The following ENTREP2 variants were observed in gnomAD, a reference collection of about 807,000 sequenced individuals.
ENTREP2 encodes endosomal transmembrane epsin interactor 2.
the ENTREP2 span, among the ~76,000 whole-genome samples, chr15:29,456,353 GA>G: frequency 6.6e-6 from 1 of 152,222 alleles, no homozygotes; most frequent in African/African-American, 2.4e-5. Flanking sequence ...CATGGAAGAG[GA>G]GGGGTAGTGA....
the ENTREP2 span, among the ~76,000 whole-genome samples, chr15:29,158,824 T>C: frequency 6.6e-6 from 1 of 152,124 alleles, no homozygotes; most frequent in African/African-American, 2.4e-5. Context: ...GTTAAGGAAG[T>C]TATGTATCTA....
chr15:29,404,864 G>C, the ENTREP2 span, among the ~76,000 whole-genome samples: 1 of 151,818 alleles, frequency 6.6e-6, no homozygotes, highest in Non-Finnish European at 1.5e-5. Context: ...TGCCTGTCAG[G>C]GTCCCAGATA....
At chr15:29,652,952 G>A in the ENTREP2 span, among the ~76,000 whole-genome samples, 2,222 of 152,242 alleles carry the variant, frequency 0.015, 47 homozygotes, top group African/African-American at 0.051. Flanking sequence ...AACCACAGAG[G>A]TTTCTGGCCA....
chr15:29,120,263 C>A, the ENTREP2 span: 1 of 146,098 alleles, frequency 6.8e-6, no homozygotes, highest in Non-Finnish European at 1.5e-5. Flanking sequence ...GCCAGAAATA[C>A]TTCTTTTTAT....
At chr15:29,272,297 A>G in the ENTREP2 span, among the ~76,000 whole-genome samples, 121 of 152,314 alleles carry the variant, frequency 7.9e-4, no homozygotes, top group African/African-American at 2.8e-3. Context: ...GGTGATAACA[A>G]TACTAACATT....
the ENTREP2 span, among the ~76,000 whole-genome samples, chr15:29,125,087 C>G: frequency 4.6e-5 from 7 of 152,298 alleles, no homozygotes; most frequent in South Asian, 1.5e-3. Flanking sequence ...GCGGCGTGCA[C>G]ATCAGCCTAG....
At chr15:29,210,762 C>T in the ENTREP2 span, among the ~76,000 whole-genome samples, 1 of 152,188 alleles carries the variant, frequency 6.6e-6, no homozygotes, top group East Asian at 1.9e-4. Context: ...ATGGCCCTTC[C>T]TCTTGGAAAC....
At chr15:29,196,618 G>C in the ENTREP2 span, 6 of 1,523,884 alleles carry the variant, frequency 3.9e-6, no homozygotes, top group Non-Finnish European at 5.3e-6. Context: ...CGACCCCCGA[G>C]GGTACGCGTG....
At chr15:29,617,024 C>T in the ENTREP2 span, among the ~76,000 whole-genome samples, 1 of 152,206 alleles carries the variant, frequency 6.6e-6, no homozygotes, top group Non-Finnish European at 1.5e-5. Flanking sequence ...CATGCCACTG[C>T]ACTCCAGTCT....
the ENTREP2 span, among the ~76,000 whole-genome samples, chr15:29,567,372 A>G: frequency 6.6e-6 from 1 of 152,312 alleles, no homozygotes; most frequent in Admixed American, 6.5e-5. Flanking sequence ...TTTCCTAAGA[A>G]AGAGAGAGCC....
At chr15:29,411,960 C>A in the ENTREP2 span, among the ~76,000 whole-genome samples, 3,178 of 152,298 alleles carry the variant, frequency 0.021, 49 homozygotes, top group Non-Finnish European at 0.035. Flanking sequence ...TTTGCACCTA[C>A]ACTTACTGTC....
chr15:29,600,892 A>ATTTTTTTTTTTTTTTTTTTT, the ENTREP2 span, among the ~76,000 whole-genome samples: 14 of 97,936 alleles, frequency 1.4e-4, no homozygotes, highest in African/African-American at 7.8e-4. Flanking sequence ...GGAAAATATG[A>ATTTTTTTTTTTTTTTTTTTT]TTTTTCTTTC....
the ENTREP2 span, among the ~76,000 whole-genome samples, chr15:29,223,765 C>G: frequency 0.012 from 1,891 of 152,210 alleles, 33 homozygotes; most frequent in African/African-American, 0.043. Flanking sequence ...GGAGCCCCTG[C>G]GCCTGCAGCC....
At chr15:29,466,357 C>G in the ENTREP2 span, among the ~76,000 whole-genome samples, 1 of 152,202 alleles carries the variant, frequency 6.6e-6, no homozygotes, top group Non-Finnish European at 1.5e-5. Context: ...AGAGACCAGC[C>G]AGCAAGGTAG....
the ENTREP2 span, among the ~76,000 whole-genome samples, chr15:29,279,997 A>C: frequency 1.3e-5 from 2 of 152,092 alleles, no homozygotes; most frequent in African/African-American, 4.8e-5. Context: ...AGTATGAAAA[A>C]CTGTTAAAAT....
the ENTREP2 span, among the ~76,000 whole-genome samples, chr15:29,651,447 G>C: frequency 7.6e-4 from 116 of 152,332 alleles, 1 homozygote; most frequent in South Asian, 0.021. Flanking sequence ...GATGCCAGCT[G>C]CAGCAGACAG....
the ENTREP2 span, among the ~76,000 whole-genome samples, chr15:29,228,835 C>T: frequency 6.6e-6 from 1 of 152,096 alleles, no homozygotes; most frequent in Non-Finnish European, 1.5e-5. Context: ...ATTTTATGCT[C>T]ATGACTTAAA....
At chr15:29,433,736 G>C in the ENTREP2 span, among the ~76,000 whole-genome samples, 1 of 148,774 alleles carries the variant, frequency 6.7e-6, no homozygotes, top group Non-Finnish European at 1.5e-5. Context: ...TGTCCCTCAA[G>C]GGGTCTCAAG....
the ENTREP2 span, chr15:29,252,475 T>G: frequency 6.5e-7 from 1 of 1,539,430 alleles, no homozygotes; most frequent in African/African-American, 1.4e-5. Flanking sequence ...ATGAAAAAGG[T>G]TATCTGGAAA....
Sources: gnomAD v4.1 joint callset for allele counts (sites outside exome capture counted in the v4.1 genomes callset) on GRCh38, gnomAD v4.1.1 for gene constraint, MANE v1.5 for transcripts, NCBI Gene and HGNC (gene_info 2026-07-23, HGNC 2026-07-21) for gene names.